Variants in GPC6 observed in about 807,000 individuals in gnomAD.
GPC6 encodes the protein glypican-6.
GPC6 carries 14 observed loss-of-function variants against 55.2 expected under a neutral mutation model. The observed-to-expected ratio is 0.25, with a 90% confidence interval of 0.17 to 0.40. GPC6 has a LOEUF of 0.40. GPC6 is among the 10% of genes least tolerant of loss of function. The probability of loss-of-function intolerance (pLI) is 1.00; values close to 1 mark genes in which losing one functional copy is unlikely to be tolerated. For missense variants in GPC6, 641 were observed against 708.5 expected (o/e 0.90, Z 1.08); for synonymous variants, 278 against 259.6 (o/e 1.07, Z -0.68).
chr13:94,363,053 C>A (rs1045206228), intron 6 of GPC6, among the ~76,000 whole-genome samples: 16 of 152,064 alleles, frequency 1.1e-4, no homozygotes, highest in Non-Finnish European at 2.2e-4. Flanking sequence ...CCCCCACCCC[C>A]CGACAGGCCC....
At chr13:93,906,166 C>T (rs1483301738) in intron 3 of GPC6, among the ~76,000 whole-genome samples, 1 of 152,060 alleles carries the variant, frequency 6.6e-6, no homozygotes, top group Non-Finnish European at 1.5e-5. Flanking sequence ...CTCTCATTCT[C>T]TCTCTCTCTG....
intron 4 of GPC6, among the ~76,000 whole-genome samples, chr13:94,116,623 T>C (rs755917159): frequency 3.3e-5 from 5 of 152,132 alleles, no homozygotes; most frequent in Admixed American, 6.6e-5. Context: ...TAACTTTCCA[T>C]TTTAAGCATT....
In GPC6 at chr13:93,330,483, C is replaced by T. The variant is rs143493195; in HGVS notation, c.160+102867C>T. Among the ~76,000 whole-genome samples the T allele has an allele frequency of 7.5e-3, 1,143 of 151,752 alleles. 11 individuals are homozygous for T. The highest frequency in any genetic ancestry group is 0.026 in the African/African-American group (1,086 of 41,362). The stretch of plus-strand genomic sequence containing the variant: ...TTGAGGCTGCAGTGAGTCATGATGG[C>T]GCCACTGTACTCCAGCCTGGGTGCA... On this transcript the variant is annotated intron_variant, in intron 1 of 8. Coordinates refer to ENST00000377047, the MANE Select transcript of GPC6 (RefSeq NM_005708.5).
intron 2 of GPC6, among the ~76,000 whole-genome samples, chr13:93,634,864 A>G (rs753919302): frequency 9.9e-5 from 15 of 152,154 alleles, no homozygotes; most frequent in Non-Finnish European, 1.8e-4. Flanking sequence ...TTAACTTTTT[A>G]TAGTAAAAGA....
intron 1 of GPC6, among the ~76,000 whole-genome samples, chr13:93,412,425 G>A (rs959177864): frequency 2.0e-5 from 3 of 152,176 alleles, no homozygotes; most frequent in Non-Finnish European, 4.4e-5. Flanking sequence ...AGAGGCCGAG[G>A]CAGGTGGATC....
At chr13:93,216,827 A>G in the GPC6 span, among the ~76,000 whole-genome samples, 2 of 152,222 alleles carry the variant, frequency 1.3e-5, no homozygotes, top group Non-Finnish European at 2.9e-5. Context: ...CCTACTGAGT[A>G]GAAGAGAGAT....
At chr13:93,579,054 C>T (rs755507143) in intron 2 of GPC6, among the ~76,000 whole-genome samples, 1 of 151,840 alleles carries the variant, frequency 6.6e-6, no homozygotes, top group Admixed American at 6.6e-5. Flanking sequence ...AACTAGATTT[C>T]GTGAAGATAG....
At chr13:93,618,263 A>G (rs1403454500) in intron 2 of GPC6, among the ~76,000 whole-genome samples, 1 of 152,132 alleles carries the variant, frequency 6.6e-6, no homozygotes, top group Non-Finnish European at 1.5e-5. Flanking sequence ...AAACAAAAAT[A>G]TATACATGTG....
At position 93,583,388 on chromosome 13, in the gene GPC6, C is replaced by A. The variant is rs544072510; in HGVS notation, c.319+37967C>A. ...CGTGCGTATGTGTGTGTATGACAAA[C>A]CTGCCTTACTAATTGAAGATACCTC... On this transcript the variant is annotated intron_variant, in intron 2 of 8. Coordinates refer to ENST00000377047, the MANE Select transcript of GPC6 (RefSeq NM_005708.5). Among the ~76,000 whole-genome samples the A allele has an allele frequency of 1.2e-3, 177 of 146,974 alleles. 1 individual carries two copies. Among genetic ancestry groups the A allele is most frequent in the African/African-American group, 4.7e-3 (172 of 36,968 alleles).
At chr13:93,719,842 A>T (rs1883389679) in intron 2 of GPC6, among the ~76,000 whole-genome samples, 1 of 152,048 alleles carries the variant, frequency 6.6e-6, no homozygotes. Context: ...TGAGATAATC[A>T]TGTGGTTTTT....
intron 2 of GPC6, among the ~76,000 whole-genome samples, chr13:93,783,563 GATCT>G (rs1459317936): frequency 7.2e-6 from 1 of 138,650 alleles, no homozygotes; most frequent in Non-Finnish European, 1.5e-5. Flanking sequence ...GTGGTTTTGA[GATCT>G]ATCTATCTGT....
At chr13:93,243,107 C>T (rs764479413) in intron 1 of GPC6, among the ~76,000 whole-genome samples, 25 of 152,250 alleles carry the variant, frequency 1.6e-4, no homozygotes, top group African/African-American at 5.8e-4. Flanking sequence ...TACTTGGGCT[C>T]ATGGTGGCAA....
At chr13:93,228,251 T>G (rs1875881189) in intron 1 of GPC6, among the ~76,000 whole-genome samples, 1 of 152,170 alleles carries the variant, frequency 6.6e-6, no homozygotes, top group Non-Finnish European at 1.5e-5. Context: ...CTTCACGGGC[T>G]GCCTGTTTCA....
At chr13:94,269,329 C>T (rs985761267) in intron 4 of GPC6, among the ~76,000 whole-genome samples, 1 of 152,214 alleles carries the variant, frequency 6.6e-6, no homozygotes, top group Non-Finnish European at 1.5e-5. Context: ...AGTCCTGCTT[C>T]ACTGGCATTG....
At position 93,338,902 on chromosome 13, in the gene GPC6, G is replaced by A. The variant is rs143429207; in HGVS notation, c.160+111286G>A. Reference sequence around the variant, plus strand: ...GTGGTTCTGAAATTGATGTGGAGGTGGTGTTGACAGGGCAGAGAGAGCAAT... The same window carrying A: ...GTGGTTCTGAAATTGATGTGGAGGTAGTGTTGACAGGGCAGAGAGAGCAAT... On this transcript the variant is annotated intron_variant, in intron 1 of 8. Transcript: ENST00000377047. 1.1e-4 allele frequency among the ~76,000 whole-genome samples: 17 copies of A among 152,228 alleles called. No individual in the cohort carries two copies. In the East Asian group the frequency reaches 1.2e-3, roughly 10 times the overall value.
Position 94,289,489 on chromosome 13 carries a change from A to G in GPC6, c.1008+3010A>G, listed in dbSNP as rs751407626. Among the ~76,000 whole-genome samples, 30 of 152,306 alleles carry G rather than the reference A, an allele frequency of 2.0e-4. 1 individual carries two copies. The highest frequency in any genetic ancestry group is 4.6e-4 in the Admixed American group (7 of 15,304). On this transcript the variant is annotated intron_variant, in intron 5 of 8. Transcript: ENST00000377047. The stretch of plus-strand genomic sequence containing the variant: ...AATGTTATTTCTGAGAGCATAGTCT[A>G]CATACATGGAATCCAATGTCTGAAA...
intron 1 of GPC6, among the ~76,000 whole-genome samples, chr13:93,444,875 A>G (rs1877944228): frequency 6.6e-6 from 1 of 152,196 alleles, no homozygotes; most frequent in Non-Finnish European, 1.5e-5. Flanking sequence ...TTTTGGTAGT[A>G]TAATTGTTTT....
intron 6 of GPC6, among the ~76,000 whole-genome samples, chr13:94,314,318 A>T (rs986021647): frequency 6.6e-6 from 1 of 152,252 alleles, no homozygotes; most frequent in Admixed American, 6.5e-5. Context: ...TATGCAAATT[A>T]AAAACATTAA....
chr13:94,027,295 A>G (rs1472785083), intron 3 of GPC6, among the ~76,000 whole-genome samples: 1 of 152,172 alleles, frequency 6.6e-6, no homozygotes, highest in African/African-American at 2.4e-5. Context: ...GTTGATATTG[A>G]TCTTTGAAGA....
Sources: gnomAD v4.1 joint callset for allele counts (sites outside exome capture counted in the v4.1 genomes callset) on GRCh38, gnomAD v4.1.1 for gene constraint, MANE v1.5 for transcripts, NCBI Gene and HGNC (gene_info 2026-07-23, HGNC 2026-07-21) for gene names.